Variants in LUZP1 observed in about 807,000 individuals in gnomAD.
LUZP1 encodes leucine zipper protein 1.
Under a neutral mutation model 71.3 loss-of-function variants are expected in LUZP1, and 25 were observed. The ratio of observed to expected loss-of-function variants is 0.35; its 90% CI spans 0.26 to 0.49. The LOEUF (loss-of-function observed/expected upper bound fraction) is 0.49. Among genes scored for constraint, LUZP1 ranks in the 20% least tolerant of loss-of-function variants. The pLI, the probability that LUZP1 is intolerant of heterozygous loss-of-function variation, is 0.99. For missense variants in LUZP1, 1,142 were observed against 1,300.8 expected (o/e 0.88, Z 1.88); for synonymous variants, 481 against 506.4 (o/e 0.95, Z 0.67).
exon 5 of LUZP1, chr1:23,084,451 G>GTGA (rs537040752): frequency 1.3e-5 from 2 of 151,860 alleles, no homozygotes; most frequent in Non-Finnish European, 2.9e-5. Context: ...GATACTACCT[G>GTGA]TGATTACATT....
At chr1:23,106,291 C>T (rs1053534789) in intron 3 of LUZP1, among the ~76,000 whole-genome samples, 69 of 152,230 alleles carry the variant, frequency 4.5e-4, no homozygotes, top group African/African-American at 1.6e-3. Context: ...GTGACCCAGA[C>T]GTTAACTCCA....
At chr1:23,120,526 T>C (rs1644122107) in intron 2 of LUZP1, among the ~76,000 whole-genome samples, 2 of 152,012 alleles carry the variant, frequency 1.3e-5, no homozygotes, top group South Asian at 2.1e-4. Context: ...ATTTTTTTTA[T>C]TTTTATTTTT....
At chr1:23,145,468 C>CTTTTTT (rs869293750) in intron 2 of LUZP1, among the ~76,000 whole-genome samples, 2 of 135,124 alleles carry the variant, frequency 1.5e-5, no homozygotes, top group African/African-American at 2.7e-5. Context: ...CTATTAATCT[C>CTTTTTT]TTTTTTTTTT....
intron 2 of LUZP1, among the ~76,000 whole-genome samples, chr1:23,162,391 T>A (rs1192456610): frequency 6.6e-6 from 1 of 152,164 alleles, no homozygotes; most frequent in Non-Finnish European, 1.5e-5. Flanking sequence ...TTTTTCTGTA[T>A]ATGTATTATA....
In LUZP1 at chr1:23,156,542, T is replaced by G. The variant is rs185153340; in HGVS notation, c.-226+12224A>C. 1.7e-4 allele frequency among the ~76,000 whole-genome samples: 26 copies of G among 152,318 alleles called. No homozygotes were observed. The East Asian group carries it at 4.8e-3, about 28-fold the overall frequency. On this transcript the variant is annotated intron_variant, in intron 2 of 4. Coordinates refer to ENST00000302291, the Ensembl canonical transcript of LUZP1. ...ATTTAACAATATTAATTTATTAACG[T>G]TATAAATAAAATCACAGTGACATTA...
intron 1 of LUZP1, among the ~76,000 whole-genome samples, chr1:23,170,214 C>G (rs1010010793): frequency 1.3e-5 from 2 of 152,174 alleles, no homozygotes; most frequent in Non-Finnish European, 2.9e-5. Context: ...CTTAGCACTT[C>G]CTGGAGGTCA....
rs1254594976 is a variant in LUZP1, at chr1:23,088,758, A to G, written c.*137T>C. On this transcript the variant is annotated 3_prime_UTR_variant, in exon 5 of 5. Coordinates refer to ENST00000302291, the Ensembl canonical transcript of LUZP1. ...CCAAATGGCAAAAATTACCTGAGCCACAGCCCGGCTCTACCACAGTTTTCC... is the reference window on the plus strand; with the variant it reads ...CCAAATGGCAAAAATTACCTGAGCCGCAGCCCGGCTCTACCACAGTTTTCC... The G allele has an allele frequency of 1.5e-5, 19 of 1,271,466 alleles. No homozygotes were observed. In the East Asian group the frequency reaches 4.7e-4, roughly 31 times the overall value. 78.8% of individuals were successfully genotyped at this position (1,271,466 alleles called of 1,614,324 possible).
intron 2 of LUZP1, among the ~76,000 whole-genome samples, chr1:23,136,116 A>T (rs1644250999): frequency 6.6e-6 from 1 of 152,176 alleles, no homozygotes; most frequent in Non-Finnish European, 1.5e-5. Context: ...TAGATTAAAG[A>T]AATTTAAAGG....
intron 1 of LUZP1, among the ~76,000 whole-genome samples, chr1:23,177,028 T>C (rs934856318): frequency 1.3e-5 from 2 of 151,348 alleles, no homozygotes; most frequent in African/African-American, 4.9e-5. Flanking sequence ...ACTAGAAGCG[T>C]GTGCCACCAC....
chr1:23,091,066 G>T, intron 4 of LUZP1, 124 bp downstream of exon 3: 2 of 1,052,274 alleles, frequency 1.9e-6, no homozygotes, highest in Non-Finnish European at 1.4e-6. Flanking sequence ...GTTCTCTAAG[G>T]AACCCAGTTC....
intron 2 of LUZP1, among the ~76,000 whole-genome samples, chr1:23,167,676 T>C: frequency 6.6e-6 from 1 of 152,222 alleles, no homozygotes; most frequent in East Asian, 1.9e-4. Context: ...AGCAAGATGG[T>C]CTTTCTCGGC....
intron 2 of LUZP1, among the ~76,000 whole-genome samples, chr1:23,125,175 C>T (rs911534968): frequency 2.6e-5 from 4 of 152,130 alleles, no homozygotes; most frequent in African/African-American, 4.8e-5. Flanking sequence ...CCTAGTCCTA[C>T]GCATGAGTCC....
At chr1:23,148,606 C>T (rs879938397) in intron 2 of LUZP1, among the ~76,000 whole-genome samples, 1 of 152,054 alleles carries the variant, frequency 6.6e-6, no homozygotes, top group Non-Finnish European at 1.5e-5. Context: ...ATAAGTGGTG[C>T]TTGTGAATTC....
At chr1:23,091,996 T>C (rs1357192498) in exon 4 of LUZP1, 6 of 1,614,234 alleles carry the variant, frequency 3.7e-6, no homozygotes, top group Non-Finnish European at 5.1e-6. Context: ...ACAGGTTTGA[T>C]GATGGCTCTA....
At chr1:23,092,282 A>C in exon 4 of LUZP1, 1 of 1,614,218 alleles carries the variant, frequency 6.2e-7, no homozygotes. Flanking sequence ...CCAAGTCATC[A>C]TCTGAGTCTG....
rs772363222 is a variant in LUZP1 at position 23,092,542 on chromosome 1, AG to A, written c.1719del (p.Ser574ProfsTer61). ...TTGCCTTTAGAGAGCCCTTCTGAGGAGGATCTTCGAGATGAGGCCAGGGCTC... is the reference window on the plus strand; with the variant it reads ...TTGCCTTTAGAGAGCCCTTCTGAGGAGATCTTCGAGATGAGGCCAGGGCTC... On this transcript the variant is annotated frameshift_variant, in exon 4 of 5. Coordinates refer to ENST00000302291, the Ensembl canonical transcript of LUZP1. LOFTEE classifies it high-confidence loss of function. 6.2e-7 allele frequency: 1 copy of A among 1,614,166 alleles called. No homozygotes were observed. Among genetic ancestry groups the A allele is most frequent in the Non-Finnish European group, 8.5e-7 (1 of 1,180,010 alleles).
intron 2 of LUZP1, among the ~76,000 whole-genome samples, chr1:23,147,099 A>AAATGATAAT (rs1644349043): frequency 6.9e-6 from 1 of 144,504 alleles, no homozygotes; most frequent in Non-Finnish European, 1.5e-5. Flanking sequence ...TCCGTCTCAA[A>AAATGATAAT]AATAATAATA....
At position 23,174,280 on chromosome 1, in the gene LUZP1, G is replaced by C. The variant is rs541969007; in HGVS notation, c.-485+3211C>G. Among the ~76,000 whole-genome samples the C allele has an allele frequency of 6.6e-5, 10 of 152,258 alleles. No individual in the cohort carries two copies. In the South Asian group the frequency reaches 2.1e-3, roughly 32 times the overall value. ...ATGGATGTTCCAGCTCAATGAGAGAGAGCAAATTTTCCTTCCTCCTCTTTT... is the reference window on the plus strand; with the variant it reads ...ATGGATGTTCCAGCTCAATGAGAGACAGCAAATTTTCCTTCCTCCTCTTTT... On this transcript the variant is annotated intron_variant, in intron 1 of 4. Transcript: ENST00000302291.
intron 2 of LUZP1, among the ~76,000 whole-genome samples, chr1:23,163,541 G>A (rs1026581772): frequency 4.3e-5 from 6 of 139,580 alleles, no homozygotes; most frequent in Non-Finnish European, 7.6e-5. Context: ...GAGAAAGAGT[G>A]AGATCCCGTC....
Sources: gnomAD v4.1 joint callset for allele counts (sites outside exome capture counted in the v4.1 genomes callset) on GRCh38, gnomAD v4.1.1 for gene constraint, MANE v1.5 for transcripts, NCBI Gene and HGNC (gene_info 2026-07-23, HGNC 2026-07-21) for gene names.